The following MCF2L2 variants were observed in gnomAD, a reference collection of about 807,000 sequenced individuals.
MCF2L2 encodes the protein probable guanine nucleotide exchange factor MCF2L2.
A neutral mutation model predicts 150.2 loss-of-function variants in MCF2L2; 102 were observed. That is an observed-to-expected ratio of 0.68 (90% confidence interval 0.58 to 0.80). The LOEUF is 0.80. Ranked by LOEUF, MCF2L2 falls within the 30% of genes least tolerant of loss-of-function variation. MCF2L2 has a pLI of 0.00. For synonymous variants in MCF2L2, 465 were observed against 491.3 expected, an observed-to-expected ratio of 0.95 and a Z score of 0.71; for missense variants, 1,256 against 1,372.8, an observed-to-expected ratio of 0.91 and a Z score of 1.34.
chr3:183,404,548 T>C (rs979163862), intron 1 of MCF2L2, among the ~76,000 whole-genome samples: 1 of 152,190 alleles, frequency 6.6e-6, no homozygotes, highest in Non-Finnish European at 1.5e-5. Flanking sequence ...AATCCAATAA[T>C]ATTTTCTAGA....
At chr3:183,225,466 A>T (rs1723309951) in intron 18 of MCF2L2, 1 of 152,282 alleles carries the variant, frequency 6.6e-6, no homozygotes, top group Admixed American at 6.5e-5. Context: ...AAAAGTGCCC[A>T]ATTCTCCTAA....
chr3:183,246,086 T>C (rs1327994272), intron 15 of MCF2L2, among the ~76,000 whole-genome samples: 1 of 152,234 alleles, frequency 6.6e-6, no homozygotes, highest in Non-Finnish European at 1.5e-5. Flanking sequence ...TATAGCACTT[T>C]AAGAGATTGA....
intron 2 of MCF2L2, among the ~76,000 whole-genome samples, chr3:183,387,758 G>C (rs988542856): frequency 2.8e-4 from 42 of 151,796 alleles, no homozygotes; most frequent in Middle Eastern, 6.8e-3. Context: ...CATGGTGAAA[G>C]CCCATCTCTA....
intron 22 of MCF2L2, among the ~76,000 whole-genome samples, chr3:183,213,912 G>A (rs1193135233): frequency 2.0e-5 from 3 of 152,176 alleles, no homozygotes; most frequent in Non-Finnish European, 4.4e-5. Flanking sequence ...AGTAGAAAAG[G>A]TACCAAAAAG....
chr3:183,367,420 G>T (rs959045375), intron 3 of MCF2L2, among the ~76,000 whole-genome samples: 1 of 151,698 alleles, frequency 6.6e-6, no homozygotes, highest in South Asian at 2.1e-4. Flanking sequence ...AGTAGAGATG[G>T]GATTTCACCG....
chr3:183,282,344 A>G (rs1727547388), intron 14 of MCF2L2, among the ~76,000 whole-genome samples: 1 of 151,800 alleles, frequency 6.6e-6, no homozygotes, highest in Non-Finnish European at 1.5e-5. Context: ...ACGCCCAGCT[A>G]ATTTTTTGTA....
At chr3:183,286,605 G>C (rs988906416) in intron 14 of MCF2L2, among the ~76,000 whole-genome samples, 3 of 152,108 alleles carry the variant, frequency 2.0e-5, no homozygotes, top group African/African-American at 7.2e-5. Context: ...CAATTTCCCT[G>C]GTTATAATAC....
chr3:183,309,277 T>C (rs1280699087), intron 10 of MCF2L2, among the ~76,000 whole-genome samples: 11 of 151,792 alleles, frequency 7.2e-5, no homozygotes, highest in Non-Finnish European at 1.5e-4. Context: ...TTTTTTTTTT[T>C]CTGGTTTCTC....
At chr3:183,364,964 T>C (rs1712440579) in intron 3 of MCF2L2, among the ~76,000 whole-genome samples, 1 of 152,152 alleles carries the variant, frequency 6.6e-6, no homozygotes, top group Admixed American at 6.5e-5. Context: ...CAAAATTGTT[T>C]CAGAGCTCTA....
At chr3:183,358,746 G>A (rs896474817) in intron 3 of MCF2L2, among the ~76,000 whole-genome samples, 68 of 152,130 alleles carry the variant, frequency 4.5e-4, no homozygotes, top group African/African-American at 1.6e-3. Flanking sequence ...TCAGCCTCTC[G>A]AGTAGCTGGG....
chr3:183,335,363 AAT>A (rs1730434987), intron 5 of MCF2L2, among the ~76,000 whole-genome samples: 1 of 151,828 alleles, frequency 6.6e-6, no homozygotes, highest in African/African-American at 2.4e-5. Flanking sequence ...AATACATATA[AAT>A]ACATAAACAT....
chr3:183,221,365 A>G (rs1242142839), intron 20 of MCF2L2, among the ~76,000 whole-genome samples: 5 of 152,206 alleles, frequency 3.3e-5, no homozygotes, highest in Admixed American at 3.3e-4. Context: ...CCAGGAAAGT[A>G]CTATTATTAT....
chr3:183,323,462 G>A (rs934046666), intron 5 of MCF2L2, 111 bp from the exon 6 acceptor site: 5 of 420,476 alleles, frequency 1.2e-5, no homozygotes, highest in African/African-American at 1.1e-4. Flanking sequence ...TTATTTAAAT[G>A]ATACTCCAAC....
chr3:183,285,989 A>G (rs1174654394), intron 14 of MCF2L2, among the ~76,000 whole-genome samples: 1 of 152,184 alleles, frequency 6.6e-6, no homozygotes, highest in East Asian at 1.9e-4. Flanking sequence ...GCCAACAAGC[A>G]CAGCGAATCG....
intron 15 of MCF2L2, among the ~76,000 whole-genome samples, chr3:183,263,418 T>A: frequency 6.6e-6 from 1 of 152,172 alleles, no homozygotes; most frequent in East Asian, 1.9e-4. Context: ...AATGTCTCTC[T>A]TCCCCACTTA....
At chr3:183,222,700 A>G (rs9841950) in intron 20 of MCF2L2, among the ~76,000 whole-genome samples, 6,694 of 152,234 alleles carry the variant, frequency 0.044, 496 homozygotes, top group African/African-American at 0.15. Context: ...GGTTAATTCA[A>G]CAGACAACTT....
At chr3:183,391,019 G>C (rs1315837471) in intron 1 of MCF2L2, among the ~76,000 whole-genome samples, 16 of 152,196 alleles carry the variant, frequency 1.1e-4, no homozygotes, top group Admixed American at 1.0e-3. Context: ...TCTGATGCTA[G>C]GTGGGAATTT....
chr3:183,413,778 T>C (rs1397337556), intron 1 of MCF2L2, among the ~76,000 whole-genome samples: 3 of 152,188 alleles, frequency 2.0e-5, no homozygotes. Context: ...GCCTCATTCC[T>C]TTCTCGGCTG....
chr3:183,291,038 G>GA (rs58724732), intron 13 of MCF2L2, among the ~76,000 whole-genome samples: 24,108 of 152,136 alleles, frequency 0.16, 2,403 homozygotes, highest in East Asian at 0.45. Flanking sequence ...GAAAATCGCA[G>GA]AAAATTACAC....
Sources: allele counts gnomAD v4.1 joint callset (sites outside exome capture counted in the v4.1 genomes callset), GRCh38; gene constraint gnomAD v4.1.1; transcripts MANE v1.5; gene names NCBI Gene and HGNC (gene_info 2026-07-23, HGNC 2026-07-21).